The following SPTSSA variants were observed in gnomAD, a reference collection of about 807,000 sequenced individuals.
The protein encoded by SPTSSA is small subunit of serine palmitoyltransferase A.
A neutral mutation model predicts 9.1 loss-of-function variants in SPTSSA; 8 were observed. That is an observed-to-expected ratio of 0.88 (90% CI 0.51 to 1.58). The LOEUF (loss-of-function observed/expected upper bound fraction) is 1.58. Ranked by LOEUF, SPTSSA falls within the 40% of genes most tolerant of loss-of-function variation. SPTSSA has a pLI of 0.00. For missense variants in SPTSSA, 100 were observed against 93.8 expected (o/e 1.07, Z -0.27); for synonymous variants, 42 against 37.7 (o/e 1.11, Z -0.41).
Position 34,438,290 on chromosome 14 carries a change from AT to A in SPTSSA, c.113-2987del, listed in dbSNP as rs113012898. Among the ~76,000 whole-genome samples, 854 of 150,652 alleles carry A rather than the reference AT, an allele frequency of 5.7e-3. 7 individuals carry two copies. The highest frequency in any genetic ancestry group is 0.019 in the African/African-American group (782 of 41,120). On this transcript the variant is annotated intron_variant, in intron 1 of 1. Transcript: ENST00000298130. The stretch of plus-strand genomic sequence containing the variant: ...AGTTGAGAAGTATTTCAAATTTCAG[AT>A]TTTTTTTTTAAATTTAGAATATTTG...
At chr14:34,445,718 C>T (rs963977025) in intron 1 of SPTSSA, among the ~76,000 whole-genome samples, 3 of 152,074 alleles carry the variant, frequency 2.0e-5, no homozygotes, top group Admixed American at 6.5e-5. Flanking sequence ...ATTGCCAAAA[C>T]GATGTTCAGT....
intron 1 of SPTSSA, among the ~76,000 whole-genome samples, chr14:34,445,574 C>A (rs1453924045): frequency 1.3e-5 from 2 of 152,152 alleles, no homozygotes; most frequent in African/African-American, 4.8e-5. Context: ...ATATGGTAAT[C>A]TGGAATTCCA....
intron 1 of SPTSSA, among the ~76,000 whole-genome samples, chr14:34,448,281 C>A (rs951333145): frequency 1.3e-5 from 2 of 151,886 alleles, no homozygotes; most frequent in South Asian, 4.2e-4. Flanking sequence ...ACCCTACCTT[C>A]ACTAGACAGA....
intron 1 of SPTSSA, among the ~76,000 whole-genome samples, chr14:34,459,326 G>A (rs1457099438): frequency 4.0e-5 from 6 of 150,880 alleles, no homozygotes; most frequent in Non-Finnish European, 7.4e-5. Context: ...GGGCGTGGTG[G>A]TGGGCACCTG....
intron 1 of SPTSSA, among the ~76,000 whole-genome samples, chr14:34,459,850 C>T (rs1194440257): frequency 3.9e-5 from 6 of 152,152 alleles, no homozygotes; most frequent in Non-Finnish European, 7.3e-5. Flanking sequence ...AACTCAGAGA[C>T]AAATTTTCAG....
intron 1 of SPTSSA, among the ~76,000 whole-genome samples, chr14:34,437,291 T>C (rs1218906886): frequency 1.3e-5 from 2 of 152,364 alleles, no homozygotes; most frequent in African/African-American, 4.8e-5. Context: ...AACTCTACTC[T>C]GGGCTCAGGT....
At chr14:34,459,478 G>T (rs903774158) in intron 1 of SPTSSA, among the ~76,000 whole-genome samples, 1 of 124,336 alleles carries the variant, frequency 8.0e-6, no homozygotes, top group Non-Finnish European at 1.7e-5. Flanking sequence ...AAAAGAAAAA[G>T]AAAAAGAAGA....
chr14:34,459,039 G>A (rs1878555616), intron 1 of SPTSSA, among the ~76,000 whole-genome samples: 1 of 151,800 alleles, frequency 6.6e-6, no homozygotes, highest in Non-Finnish European at 1.5e-5. Context: ...CGACTAGTGG[G>A]ATTTCAGGCG....
At chr14:34,460,987 T>A (rs1025732782) in intron 1 of SPTSSA, among the ~76,000 whole-genome samples, 1 of 152,166 alleles carries the variant, frequency 6.6e-6, no homozygotes, top group Non-Finnish European at 1.5e-5. Flanking sequence ...GAGTACAACC[T>A]TAAGCTATCT....
intron 1 of SPTSSA, among the ~76,000 whole-genome samples, chr14:34,459,101 A>C (rs181110920): frequency 1.1e-4 from 16 of 152,120 alleles, no homozygotes; most frequent in African/African-American, 3.6e-4. Flanking sequence ...TGCATTATAT[A>C]GCAGGAAATG....
Position 34,437,467 on chromosome 14 carries a change from T to TCATGGATAA in SPTSSA, c.113-2172_113-2164dup, listed in dbSNP as rs1883257890. On this transcript the variant is annotated intron_variant, in intron 1 of 1. Transcript: ENST00000298130. ...CCCTTTTGGTTAGACTAACCCATCT[T>TCATGGATAA]CATGGATAACCCCTGACTGGTCTTA... is the stretch of plus-strand genomic sequence containing the variant. Among the ~76,000 whole-genome samples, 4 of 152,324 alleles carry TCATGGATAA rather than the reference T, an allele frequency of 2.6e-5. No homozygotes were observed. In the East Asian group the frequency reaches 7.7e-4, roughly 29 times the overall value.
rs35238717 is a variant in SPTSSA at position 34,449,503 on chromosome 14, C to CTTTTTTTTTT, written c.112+12583_112+12592dup. On this transcript the variant is annotated intron_variant, in intron 1 of 1. Transcript: ENST00000298130. The stretch of plus-strand genomic sequence containing the variant: ...GCGTGAGCCACTGCACCCGGCCTCC[C>CTTTTTTTTTT]TTTTTTTTTTTTTTTTTTGAGACAA... Among the ~76,000 whole-genome samples, 694 of 123,590 alleles carry CTTTTTTTTTT rather than the reference C, an allele frequency of 5.6e-3. 8 individuals carry two copies. Among genetic ancestry groups the CTTTTTTTTTT allele is most frequent in the African/African-American group, 0.021 (665 of 32,154 alleles). 81.1% of individuals were successfully genotyped at this position (123,590 alleles called of 152,430 possible). A position where few individuals can be genotyped will look rare whatever the true frequency, so the allele number is the denominator to read the frequency against.
chr14:34,452,723 AG>A (rs1418637566), intron 1 of SPTSSA, among the ~76,000 whole-genome samples: 3 of 152,180 alleles, frequency 2.0e-5, no homozygotes, highest in African/African-American at 7.2e-5. Context: ...TATTACCCTC[AG>A]GAAGATTTGA....
At chr14:34,461,736 C>T (rs1878620311) in intron 1 of SPTSSA, among the ~76,000 whole-genome samples, 1 of 152,244 alleles carries the variant, frequency 6.6e-6, no homozygotes, top group African/African-American at 2.4e-5. Flanking sequence ...GTTACATGAT[C>T]CCCGCCTCCT....
intron 1 of SPTSSA, among the ~76,000 whole-genome samples, chr14:34,458,014 G>GATGGTATA (rs1229489509): frequency 6.8e-6 from 1 of 147,672 alleles, no homozygotes; most frequent in Non-Finnish European, 1.5e-5. Flanking sequence ...AGAAAAGACA[G>GATGGTATA]ATGGTATATA....
intron 1 of SPTSSA, among the ~76,000 whole-genome samples, chr14:34,448,511 G>A (rs780307186): frequency 6.6e-6 from 1 of 152,126 alleles, no homozygotes; most frequent in African/African-American, 2.4e-5. Context: ...TCTCCAGAGG[G>A]TGTAGGCCAA....
At chr14:34,458,942 T>C (rs1878552579) in intron 1 of SPTSSA, among the ~76,000 whole-genome samples, 1 of 143,764 alleles carries the variant, frequency 7.0e-6, no homozygotes, top group Non-Finnish European at 1.5e-5. Context: ...TCTCACTCTG[T>C]CACTGAGGCT....
At chr14:34,443,197 GGGTGTGTGT>G (rs749166656) in intron 1 of SPTSSA, among the ~76,000 whole-genome samples, 737 of 17,924 alleles carry the variant, frequency 0.041, 110 homozygotes, top group Non-Finnish European at 0.061. Flanking sequence ...TTCCTCTAGG[GGGTGTGTGT>G]GTGTGTGTGT....
chr14:34,438,051 C>T (rs927715275), intron 1 of SPTSSA, among the ~76,000 whole-genome samples: 1 of 152,158 alleles, frequency 6.6e-6, no homozygotes, highest in Non-Finnish European at 1.5e-5. Context: ...AATCCTCCCA[C>T]CTCAGCCCCC....
Sources: allele counts gnomAD v4.1 joint callset (sites outside exome capture counted in the v4.1 genomes callset), GRCh38; gene constraint gnomAD v4.1.1; transcripts MANE v1.5; gene names NCBI Gene and HGNC (gene_info 2026-07-23, HGNC 2026-07-21).